Variants in GRIA4 observed in about 807,000 individuals in gnomAD.
The protein encoded by GRIA4 is glutamate receptor 4.
GRIA4 carries 34 observed loss-of-function variants against 104.0 expected under a neutral mutation model. The ratio of observed to expected loss-of-function variants is 0.33; its 90% CI spans 0.25 to 0.44. GRIA4 has a LOEUF of 0.44. GRIA4 is among the 20% of genes least tolerant of loss of function. The pLI is 1.00. For missense variants in GRIA4, 750 were observed against 1,096.5 expected, an observed-to-expected ratio of 0.68 and a Z score of 4.46; for synonymous variants, 386 against 381.9, an observed-to-expected ratio of 1.01 and a Z score of -0.13.
intron 4 of GRIA4, among the ~76,000 whole-genome samples, chr11:105,838,997 A>G (rs117302190): frequency 1.3e-3 from 193 of 152,170 alleles, no homozygotes; most frequent in Non-Finnish European, 2.3e-3. Flanking sequence ...TATTTCTTCA[A>G]CTTTCTCAGT....
chr11:105,861,919 C>T (rs1479166356), intron 4 of GRIA4, 105 bp from the exon 5 acceptor site: 1 of 683,098 alleles, frequency 1.5e-6, no homozygotes, highest in African/African-American at 1.8e-5. Context: ...TCTAAGCATT[C>T]AGTATATTTT....
At chr11:105,972,657 C>T (rs1334439062) in intron 15 of GRIA4, among the ~76,000 whole-genome samples, 2 of 151,534 alleles carry the variant, frequency 1.3e-5, no homozygotes, top group Non-Finnish European at 2.9e-5. Flanking sequence ...CTTTTTTAAA[C>T]AATGCAGGAA....
chr11:105,716,576 A>G lies in GRIA4; in HGVS notation c.248-36405A>G, dbSNP rs917056575. Among the ~76,000 whole-genome samples, 5 of 152,146 alleles carry G rather than the reference A, an allele frequency of 3.3e-5. No individual in the cohort carries two copies. The South Asian group carries it at 1.0e-3, about 31-fold the overall frequency. On this transcript the variant is annotated intron_variant, in intron 3 of 16. Transcript: ENST00000282499. Reference sequence around the variant, plus strand: ...ACTCTGGTTAGAAAGCAATTGGTGGACAGTTTTGCAGAGACTCCTAAGCTA... The same window carrying G: ...ACTCTGGTTAGAAAGCAATTGGTGGGCAGTTTTGCAGAGACTCCTAAGCTA...
chr11:105,706,316 A>C (rs1441472958), intron 3 of GRIA4: 1 of 152,426 alleles, frequency 6.6e-6, no homozygotes, highest in Non-Finnish European at 1.5e-5. Flanking sequence ...AATTACTTGC[A>C]GTCCTTTGCC....
Position 105,972,038 on chromosome 11 carries a change from T to C in GRIA4, c.2409+10T>C. 6.5e-7 allele frequency: 1 copy of C among 1,537,544 alleles called. No homozygotes were observed. The highest frequency in any genetic ancestry group is 9.0e-7 in the Non-Finnish European group (1 of 1,111,198). ...GGACTCTGGAAGCAAGGTCAGTCGC[T>C]GCAGTTCGGGGCCTCCTCTTGTGTT... On this transcript the variant is annotated intron_variant, in intron 15 of 16. Transcript: ENST00000282499.
chr11:105,707,830 C>T (rs187724137), intron 3 of GRIA4: 1 of 152,294 alleles, frequency 6.6e-6, no homozygotes, highest in African/African-American at 2.4e-5. Flanking sequence ...GGGTGGGCTA[C>T]CAGCTAACTA....
chr11:105,934,583 TGTAA>T (rs1375752290), intron 14 of GRIA4, among the ~76,000 whole-genome samples: 7 of 152,018 alleles, frequency 4.6e-5, no homozygotes, highest in Non-Finnish European at 8.8e-5. Context: ...GGGAGTGTGG[TGTAA>T]GTAAGATCTG....
chr11:105,890,586 C>G (rs1332323843), intron 6 of GRIA4, among the ~76,000 whole-genome samples: 2 of 152,186 alleles, frequency 1.3e-5, no homozygotes, highest in Non-Finnish European at 2.9e-5. Flanking sequence ...GTATTCTATG[C>G]CCCTCTGATC....
chr11:105,925,702 A>C (rs547724170), intron 12 of GRIA4, among the ~76,000 whole-genome samples: 1 of 152,154 alleles, frequency 6.6e-6, no homozygotes, highest in Non-Finnish European at 1.5e-5. Context: ...AAATCAAAGT[A>C]AGTCAAGCAA....
chr11:105,899,164 G>C (rs115902634), intron 7 of GRIA4, among the ~76,000 whole-genome samples: 87 of 152,274 alleles, frequency 5.7e-4, no homozygotes, highest in African/African-American at 2.0e-3. Context: ...TCTAAGGCTA[G>C]AGGGCCTCAG....
At chr11:105,727,726 A>G (rs1290319540) in intron 3 of GRIA4, among the ~76,000 whole-genome samples, 1 of 152,196 alleles carries the variant, frequency 6.6e-6, no homozygotes, top group Non-Finnish European at 1.5e-5. Context: ...AATATTCAAC[A>G]TTCCTAAAGA....
intron 3 of GRIA4, among the ~76,000 whole-genome samples, chr11:105,705,496 T>A (rs1227198003): frequency 3.9e-5 from 6 of 151,990 alleles, no homozygotes; most frequent in Non-Finnish European, 7.4e-5. Context: ...GGAGAAAATG[T>A]TTGCAATGTG....
chr11:105,711,507 C>T (rs1407252608), intron 3 of GRIA4, among the ~76,000 whole-genome samples: 1 of 152,048 alleles, frequency 6.6e-6, no homozygotes, highest in Non-Finnish European at 1.5e-5. Flanking sequence ...CAAATGTTTG[C>T]TCTGATTATA....
intron 3 of GRIA4, among the ~76,000 whole-genome samples, chr11:105,621,477 TA>T: frequency 6.6e-6 from 1 of 151,606 alleles, no homozygotes; most frequent in Middle Eastern, 3.4e-3. Context: ...AATAAGATAA[TA>T]TTTTATAGCT....
intron 14 of GRIA4, 127 bp downstream of exon 14, chr11:105,934,096 C>T: frequency 1.2e-6 from 1 of 813,894 alleles, no homozygotes; most frequent in Non-Finnish European, 1.9e-6. Context: ...TTCTTTTTCT[C>T]CATTTCATAT....
intron 6 of GRIA4, among the ~76,000 whole-genome samples, chr11:105,897,188 T>C (rs911301920): frequency 7.9e-5 from 12 of 152,064 alleles, no homozygotes; most frequent in Admixed American, 6.6e-5. Context: ...TAAATATGAT[T>C]GAGTTCTTGA....
intron 1 of GRIA4, 27 bp from the exon 2 acceptor site, chr11:105,610,881 T>G (rs1327038049): frequency 4.2e-6 from 2 of 475,542 alleles, no homozygotes; most frequent in South Asian, 4.4e-5. Flanking sequence ...TTTTTTTTTT[T>G]TTTTTTTTGG....
chr11:105,805,075 C>T (rs1461840900), intron 4 of GRIA4, among the ~76,000 whole-genome samples: 1 of 151,874 alleles, frequency 6.6e-6, no homozygotes, highest in Non-Finnish European at 1.5e-5. Context: ...TTATAATGGA[C>T]TGAGAATGTA....
chr11:105,930,955 T>G (rs971836716), intron 13 of GRIA4, among the ~76,000 whole-genome samples: 4 of 152,156 alleles, frequency 2.6e-5, no homozygotes, highest in Admixed American at 2.6e-4. Context: ...TAGTTATATG[T>G]TTAAAGGAAG....
Sources: gnomAD v4.1 joint callset for allele counts (sites outside exome capture counted in the v4.1 genomes callset) on GRCh38, gnomAD v4.1.1 for gene constraint, MANE v1.5 for transcripts, NCBI Gene and HGNC (gene_info 2026-07-23, HGNC 2026-07-21) for gene names.